Variants in MBOAT2 observed in about 807,000 individuals in gnomAD.
MBOAT2 encodes the protein membrane bound glycerophospholipid O-acyltransferase 2, also known as membrane-bound glycerophospholipid O-acyltransferase 2.
A neutral mutation model predicts 63.4 loss-of-function variants in MBOAT2; 28 were observed. That is an observed-to-expected ratio of 0.44 (90% CI 0.33 to 0.61). The LOEUF is 0.61. Ranked by LOEUF, MBOAT2 falls within the 20% of genes least tolerant of loss-of-function variation. The pLI, the probability that MBOAT2 is intolerant of heterozygous loss-of-function variation, is 0.03. For synonymous variants in MBOAT2, 211 were observed against 215.6 expected (o/e 0.98, Z 0.19); for missense variants, 470 against 605.8 (o/e 0.78, Z 2.35).
chr2:8,877,174 ACAGTTGTAACT>A lies in MBOAT2; in HGVS notation c.535_545del (p.Ser179Ter). On this transcript the variant is annotated frameshift_variant, in exon 7 of 13. Coordinates refer to ENST00000305997, the MANE Select transcript of MBOAT2 (RefSeq NM_138799.4). LOFTEE classifies it high-confidence loss of function. ...GGCCTGCCAGGATCCCCATGAAGTTACAGTTGTAACTCAAATACTCCAGTAAGCTTGGCATG... is the reference window on the plus strand; with the variant it reads ...GGCCTGCCAGGATCCCCATGAAGTTACAAATACTCCAGTAAGCTTGGCATG... 6.2e-7 allele frequency: 1 copy of A among 1,613,650 alleles called. No individual in the cohort carries two copies. The highest frequency in any genetic ancestry group is 8.5e-7 in the Non-Finnish European group (1 of 1,179,884).
At chr2:8,896,258 A>C (rs1003502294) in intron 4 of MBOAT2, among the ~76,000 whole-genome samples, 1 of 151,688 alleles carries the variant, frequency 6.6e-6, no homozygotes, top group Non-Finnish European at 1.5e-5. Context: ...AAAAAAAAAA[A>C]AGAGTTGTGA....
intron 3 of MBOAT2, among the ~76,000 whole-genome samples, chr2:8,914,491 A>G (rs78069825): frequency 3.2e-4 from 41 of 126,798 alleles, no homozygotes; most frequent in African/African-American, 6.5e-4. Context: ...GAGTTCAGGA[A>G]AAAAAAAAAA....
intron 6 of MBOAT2, among the ~76,000 whole-genome samples, chr2:8,879,688 C>T (rs1034015563): frequency 9.2e-5 from 14 of 152,226 alleles, no homozygotes; most frequent in African/African-American, 3.1e-4. Flanking sequence ...GCACCACCCG[C>T]CTCAGCAGTA....
At chr2:8,968,187 G>A (rs1213511011) in intron 1 of MBOAT2, among the ~76,000 whole-genome samples, 1 of 152,004 alleles carries the variant, frequency 6.6e-6, no homozygotes, top group Non-Finnish European at 1.5e-5. Flanking sequence ...AAAGCTTCCA[G>A]AGGAACGATC....
rs909838545 is a variant in MBOAT2 at position 8,873,158 on chromosome 2, T to C, written c.833A>G (p.Tyr278Cys). The C allele has an allele frequency of 5.6e-6, 9 of 1,614,036 alleles. No homozygotes were observed. The highest frequency in any genetic ancestry group is 3.3e-4 in the Middle Eastern group (2 of 6,084). ...GGGTCTGGCAGCCAAAAGAGAGATA[T>C]ACAGATAGATAATCTTTGTTGGCCA... ...ASWPTKIIYL[Y>C]ISLLAARPKY... is the part of the protein sequence containing the mutation. The change falls in exon 8 of 13, where the codon TAT (tyrosine) becomes TGT (cysteine). Residue 278 changes from tyrosine (Y) to cysteine (C), a missense_variant. Around this residue, in one of 3 missense-constraint regions of MBOAT2, gnomAD observed 376 missense variants for 503.8 expected, o/e 0.75. Coordinates refer to ENST00000305997, the MANE Select transcript of MBOAT2 (RefSeq NM_138799.4).
chr2:8,943,195 G>T lies in MBOAT2; in HGVS notation c.291C>A (p.Asn97Lys). The T allele has an allele frequency of 6.5e-7, 1 of 1,546,472 alleles. No individual in the cohort carries two copies. The highest frequency in any genetic ancestry group is 1.3e-5 in the South Asian group (1 of 79,370). The change falls in exon 3 of 13, where the codon AAC becomes AAA. Residue 97 changes from asparagine (N) to lysine (K), a missense_variant. Asn to Lys is a moderately conservative substitution (Grantham distance 94, BLOSUM62 0). Transcript: ENST00000305997. ...ACAAAGTGAATACTTACTTGTGCAT[G>T]TTCTCCACTCCTATGATGATCATGA... ...YCIMIIIGVE[N>K]MHNYCFVFAL...
At position 8,873,406 on chromosome 2, in the gene MBOAT2, A is replaced by C. The variant is rs1309141681; in HGVS notation, c.691-106T>G. On this transcript the variant is annotated intron_variant, in intron 7 of 12. Transcript: ENST00000305997. ...TTCCTGAATGGATCATCAGTCCTACAACTCTCCTGGTCAAAATTCAAGAGC... is the reference window on the plus strand; with the variant it reads ...TTCCTGAATGGATCATCAGTCCTACCACTCTCCTGGTCAAAATTCAAGAGC... The C allele has an allele frequency of 8.7e-6, 10 of 1,154,176 alleles. No individual in the cohort carries two copies. The Admixed American group carries it at 1.1e-4, about 13-fold the overall frequency. 71.5% of individuals were successfully genotyped at this position (1,154,176 alleles called of 1,614,324 possible).
chr2:8,898,535 G>A (rs1444003501), intron 4 of MBOAT2, among the ~76,000 whole-genome samples: 1 of 152,242 alleles, frequency 6.6e-6, no homozygotes, highest in Non-Finnish European at 1.5e-5. Flanking sequence ...TGATTAGCTA[G>A]AAAGTTCAAG....
chr2:8,902,659 C>G (rs1232086278), intron 4 of MBOAT2, among the ~76,000 whole-genome samples: 1 of 152,048 alleles, frequency 6.6e-6, no homozygotes, highest in Non-Finnish European at 1.5e-5. Flanking sequence ...GTGACTGTTA[C>G]AGTTCATAAA....
intron 1 of MBOAT2, chr2:8,974,291 A>T (rs753868923): frequency 6.7e-6 from 3 of 445,676 alleles, no homozygotes; most frequent in African/African-American, 2.0e-5. Context: ...GTTCAATGAG[A>T]AATATGGCTA....
chr2:8,910,506 A>G (rs1040561508), intron 3 of MBOAT2, among the ~76,000 whole-genome samples: 3 of 152,222 alleles, frequency 2.0e-5, no homozygotes, highest in African/African-American at 7.2e-5. Context: ...GTAATGACAT[A>G]ATCAAAACAG....
intron 1 of MBOAT2, among the ~76,000 whole-genome samples, chr2:8,978,338 C>G (rs749405420): frequency 1.3e-5 from 2 of 152,152 alleles, no homozygotes; most frequent in Non-Finnish European, 2.9e-5. Flanking sequence ...CTTCACAGAC[C>G]TTACAATCTA....
chr2:8,961,520 A>T (rs566425629), intron 1 of MBOAT2, among the ~76,000 whole-genome samples: 2 of 152,264 alleles, frequency 1.3e-5, no homozygotes, highest in East Asian at 3.9e-4. Context: ...GGCCATCCAC[A>T]GGGGACTGTT....
chr2:8,865,658 C>G (rs1661818679), intron 9 of MBOAT2, among the ~76,000 whole-genome samples: 1 of 152,272 alleles, frequency 6.6e-6, no homozygotes, highest in Non-Finnish European at 1.5e-5. Context: ...TATTTCTACC[C>G]TCTTCCCTTT....
intron 3 of MBOAT2, among the ~76,000 whole-genome samples, chr2:8,929,415 G>T (rs1027154098): frequency 1.3e-5 from 2 of 152,290 alleles, no homozygotes; most frequent in East Asian, 3.9e-4. Flanking sequence ...GCAGTGGCAC[G>T]ATCTCAGCTT....
intron 9 of MBOAT2, among the ~76,000 whole-genome samples, chr2:8,865,450 C>A (rs1342969810): frequency 1.3e-5 from 2 of 152,140 alleles, no homozygotes; most frequent in Non-Finnish European, 2.9e-5. Context: ...TGGTCCTTCT[C>A]CTTTAGGGCC....
chr2:8,920,395 T>C (rs1666487966), intron 3 of MBOAT2, among the ~76,000 whole-genome samples: 2 of 152,246 alleles, frequency 1.3e-5, no homozygotes, highest in Admixed American at 1.3e-4. Context: ...GATTTATATG[T>C]CTATCCTTAT....
chr2:8,995,989 G>A (rs565244971), intron 1 of MBOAT2, among the ~76,000 whole-genome samples: 1 of 152,306 alleles, frequency 6.6e-6, no homozygotes, highest in South Asian at 2.1e-4. Context: ...GGGGAAGCAG[G>A]GGCCCTGTCG....
intron 3 of MBOAT2, among the ~76,000 whole-genome samples, chr2:8,931,004 C>G (rs1667279097): frequency 6.6e-6 from 1 of 152,094 alleles, no homozygotes; most frequent in Non-Finnish European, 1.5e-5. Context: ...CCGTGGGCTG[C>G]CGCCACACCA....
Sources: allele counts gnomAD v4.1 joint callset (sites outside exome capture counted in the v4.1 genomes callset), GRCh38; gene constraint gnomAD v4.1.1; regional missense constraint gnomAD v4.1.1; transcripts MANE v1.5; gene names NCBI Gene and HGNC (gene_info 2026-07-23, HGNC 2026-07-21).